The following COG3 variants were observed in gnomAD, a reference collection of about 807,000 sequenced individuals.
The protein encoded by COG3 is conserved oligomeric Golgi complex subunit 3.
A neutral mutation model predicts 114.1 loss-of-function variants in COG3; 32 were observed. The ratio of observed to expected loss-of-function variants is 0.28; its 90% CI spans 0.21 to 0.38. COG3 has a LOEUF of 0.38. Ranked by LOEUF, COG3 falls within the 10% of genes least tolerant of loss-of-function variation. COG3 has a pLI of 1.00. For missense variants in COG3, 813 were observed against 973.2 expected (o/e 0.84, Z 2.19); for synonymous variants, 352 against 365.7 (o/e 0.96, Z 0.43).
intron 20 of COG3, among the ~76,000 whole-genome samples, chr13:45,527,805 G>A (rs1872820841): frequency 6.6e-6 from 1 of 152,132 alleles, no homozygotes; most frequent in Non-Finnish European, 1.5e-5. Flanking sequence ...TAGAACCAGG[G>A]CCCATGGAAG....
chr13:45,513,763 C>T (rs1163746393), intron 16 of COG3, among the ~76,000 whole-genome samples: 1 of 151,588 alleles, frequency 6.6e-6, no homozygotes, highest in Admixed American at 6.6e-5. Context: ...CAAGTCTGTG[C>T]CCGCACATTT....
intron 16 of COG3, 57 bp downstream of exon 16, chr13:45,511,911 C>A: frequency 1.5e-6 from 2 of 1,337,946 alleles, no homozygotes; most frequent in Non-Finnish European, 2.2e-6. Flanking sequence ...TGGAATATAG[C>A]ATTTACTTAT....
At chr13:45,512,014 G>T (rs568115779) in intron 16 of COG3, 160 bp downstream of exon 16, 4 of 612,596 alleles carry the variant, frequency 6.5e-6, no homozygotes, top group Admixed American at 5.3e-5. Context: ...TTTCATTATA[G>T]TGCTAAATAA....
At chr13:45,476,630 A>G (rs1016909971) in intron 2 of COG3, among the ~76,000 whole-genome samples, 3 of 152,004 alleles carry the variant, frequency 2.0e-5, no homozygotes, top group African/African-American at 7.2e-5. Flanking sequence ...ACTTCCCCCA[A>G]TGTCTGTCTT....
At chr13:45,509,589 C>G in intron 14 of COG3, 103 bp from the exon 15 acceptor site, 2 of 1,439,568 alleles carry the variant, frequency 1.4e-6, no homozygotes, top group Non-Finnish European at 9.5e-7. Flanking sequence ...CCTCTAGCTA[C>G]TTATAGCTAA....
At chr13:45,498,086 A>G (rs1869045541) in intron 13 of COG3, among the ~76,000 whole-genome samples, 1 of 152,182 alleles carries the variant, frequency 6.6e-6, no homozygotes, top group East Asian at 1.9e-4. Context: ...ATCATCAAGT[A>G]TCTAGAACTT....
chr13:45,534,303 G>A (rs937746871), intron 22 of COG3, among the ~76,000 whole-genome samples: 3 of 152,200 alleles, frequency 2.0e-5, no homozygotes, highest in Non-Finnish European at 2.9e-5. Flanking sequence ...ATTCTCATTG[G>A]ATTTTAAGTG....
intron 13 of COG3, among the ~76,000 whole-genome samples, chr13:45,499,791 G>A (rs1259048091): frequency 1.3e-5 from 2 of 152,160 alleles, no homozygotes; most frequent in Non-Finnish European, 2.9e-5. Context: ...GGAGGCCAAG[G>A]TGGGCGAATC....
chr13:45,524,913 C>G (rs1872531320), intron 19 of COG3, 63 bp from the exon 20 acceptor site: 10 of 1,209,050 alleles, frequency 8.3e-6, no homozygotes, highest in Middle Eastern at 1.9e-4. Flanking sequence ...CCCTTGAGAG[C>G]AGTACCAGTT....
intron 19 of COG3, among the ~76,000 whole-genome samples, chr13:45,521,537 C>T (rs1022770075): frequency 6.6e-6 from 1 of 151,552 alleles, no homozygotes; most frequent in Non-Finnish European, 1.5e-5. Context: ...TCCCTTTCAT[C>T]CTGTGGCATA....
intron 13 of COG3, among the ~76,000 whole-genome samples, chr13:45,502,199 A>G (rs1444760376): frequency 6.6e-6 from 1 of 152,198 alleles, no homozygotes; most frequent in African/African-American, 2.4e-5. Flanking sequence ...AGCCTGATCT[A>G]GTGAATGGTG....
At position 45,507,539 on chromosome 13, in the gene COG3, C is replaced by T. The variant is rs375353409; in HGVS notation, c.1595-2153C>T. Among the ~76,000 whole-genome samples, 27 of 151,488 alleles carry T rather than the reference C, an allele frequency of 1.8e-4. No homozygotes were observed. In the South Asian group the frequency reaches 5.6e-3, roughly 32 times the overall value. On this transcript the variant is annotated intron_variant, in intron 14 of 22. Coordinates refer to ENST00000349995, the MANE Select transcript of COG3 (RefSeq NM_031431.4). ...CAGCACTTTGGGAGGCCGAGGTGGG[C>T]AGATCACCCACGGTCAGGAGTTTGA...
At chr13:45,470,888 A>G (rs1885431352) in intron 1 of COG3, among the ~76,000 whole-genome samples, 1 of 152,204 alleles carries the variant, frequency 6.6e-6, no homozygotes, top group South Asian at 2.1e-4. Context: ...CTTTATGTGA[A>G]AGCTACATGT....
intron 14 of COG3, among the ~76,000 whole-genome samples, chr13:45,508,049 A>G (rs374026556): frequency 7.9e-6 from 1 of 126,694 alleles, no homozygotes; most frequent in African/African-American, 3.0e-5. Flanking sequence ...AGCCTAGGTG[A>G]CAGAGCCTAG....
intron 19 of COG3, among the ~76,000 whole-genome samples, chr13:45,522,567 C>A (rs891630723): frequency 6.6e-6 from 1 of 152,166 alleles, no homozygotes; most frequent in Admixed American, 6.5e-5. Context: ...ACAACATCTT[C>A]ACCTGTCTGG....
chr13:45,496,189 G>A lies in COG3; in HGVS notation c.1365G>A (p.Gln455=), dbSNP rs2137840102. The A allele has an allele frequency of 1.2e-6, 2 of 1,611,178 alleles. No individual in the cohort carries two copies. The highest frequency in any genetic ancestry group is 1.7e-6 in the Non-Finnish European group (2 of 1,178,128). ...GGGCATTTGCAGCTGGAGTCAAGCA[G>A]ATGTTAGAAGATGTACAGGAGCGGC... ...QLGAFAAGVK[Q]MLEDVQERLV... Residue 455 remains glutamine, a synonymous_variant, in exon 13 of 23, where the codon CAG becomes CAA. Transcript: ENST00000349995.
intron 19 of COG3, among the ~76,000 whole-genome samples, chr13:45,521,366 G>T (rs145933970): frequency 2.0e-5 from 3 of 152,154 alleles, no homozygotes; most frequent in African/African-American, 7.2e-5. Flanking sequence ...CTCATCCTAC[G>T]TGATCAGTCT....
At chr13:45,472,714 G>T (rs2137778562) in intron 1 of COG3, among the ~76,000 whole-genome samples, 1 of 152,082 alleles carries the variant, frequency 6.6e-6, no homozygotes, top group Middle Eastern at 3.4e-3. Flanking sequence ...TCAGTTTTCT[G>T]TTGAAATTGT....
At chr13:45,517,587 C>T (rs3014965) in intron 17 of COG3, among the ~76,000 whole-genome samples, 114,898 of 151,480 alleles carry the variant, frequency 0.76, 44,377 homozygotes, top group Admixed American at 0.84. Context: ...GAGCCAGATA[C>T]CCTGGCTTTT....
Sources: gnomAD v4.1 joint callset for allele counts (sites outside exome capture counted in the v4.1 genomes callset) on GRCh38, gnomAD v4.1.1 for gene constraint, MANE v1.5 for transcripts, NCBI Gene and HGNC (gene_info 2026-07-23, HGNC 2026-07-21) for gene names.